The following ABCG2 variants were observed in gnomAD, a reference collection of about 807,000 sequenced individuals.
ABCG2 encodes broad substrate specificity ATP-binding cassette transporter ABCG2.
A neutral mutation model predicts 73.5 loss-of-function variants in ABCG2; 80 were observed. That is an observed-to-expected ratio of 1.09 (90% CI 0.91 to 1.31). The LOEUF (loss-of-function observed/expected upper bound fraction) is 1.31. ABCG2 is among the 50% of genes most tolerant of loss of function. The pLI is 0.00. For synonymous variants in ABCG2, 269 were observed against 282.4 expected (o/e 0.95, Z 0.48); for missense variants, 796 against 786.2 (o/e 1.01, Z -0.15).
At chr4:88,219,875 A>G (rs1205653634) in intron 1 of ABCG2, among the ~76,000 whole-genome samples, 3 of 151,672 alleles carry the variant, frequency 2.0e-5, no homozygotes, top group African/African-American at 7.3e-5. Context: ...AGGCTCAAAT[A>G]GTTTTTAAGT....
At chr4:88,191,449 C>G (rs974020981) in intron 1 of ABCG2, among the ~76,000 whole-genome samples, 9 of 151,972 alleles carry the variant, frequency 5.9e-5, no homozygotes, top group African/African-American at 2.2e-4. Context: ...AAAAGACCTA[C>G]AATAACAGGT....
In ABCG2 at chr4:88,107,216, C is replaced by A. The variant is rs747700196; in HGVS notation, c.1245G>T (p.Gly415=). Reference sequence around the variant, plus strand: ...GGATTCCAGTAGAATCATTTTTTAGCCCAAAGTAAATGGCACCTATAACCA... The same window carrying A: ...GGATTCCAGTAGAATCATTTTTTAGACCAAAGTAAATGGCACCTATAACCA... ...LGLVIGAIYF[G]LKNDSTGIQN... The change falls in exon 10 of 16, where the codon GGG becomes GGT. Residue 415 remains glycine (G), a synonymous_variant. Transcript: ENST00000237612. The A allele has an allele frequency of 6.2e-7, 1 of 1,612,954 alleles. No individual in the cohort carries two copies. Among genetic ancestry groups the A allele is most frequent in the Non-Finnish European group, 8.5e-7 (1 of 1,179,570 alleles).
chr4:88,160,307 G>GA (rs1319876669), upstream of ABCG2, among the ~76,000 whole-genome samples: 4 of 151,362 alleles, frequency 2.6e-5, no homozygotes, highest in African/African-American at 9.7e-5. Context: ...TGCAAAAACT[G>GA]AAAAATCTCC....
chr4:88,143,695 G>A (rs1315808867), intron 1 of ABCG2, among the ~76,000 whole-genome samples: 4 of 152,010 alleles, frequency 2.6e-5, no homozygotes, highest in Admixed American at 6.6e-5. Flanking sequence ...AATCTTCCTC[G>A]GGAGATACAG....
At chr4:88,214,619 G>A (rs971230115) in intron 1 of ABCG2, among the ~76,000 whole-genome samples, 10 of 152,070 alleles carry the variant, frequency 6.6e-5, no homozygotes, top group South Asian at 2.1e-4. Context: ...TGGCACTTCC[G>A]TAGGCTGAGG....
intron 1 of ABCG2, among the ~76,000 whole-genome samples, chr4:88,147,016 G>GAAAGAAA (rs777917031): frequency 1.6e-5 from 2 of 125,162 alleles, no homozygotes; most frequent in African/African-American, 3.2e-5. Flanking sequence ...AGAAAGAAAA[G>GAAAGAAA]GAAAGAAAGA....
chr4:88,146,458 G>C (rs1368022741), intron 1 of ABCG2, among the ~76,000 whole-genome samples: 4 of 151,900 alleles, frequency 2.6e-5, no homozygotes, highest in South Asian at 4.2e-4. Flanking sequence ...CAGTGGTGTG[G>C]ATCTTGGCTC....
Position 88,117,593 on chromosome 4 carries a change from C to T in ABCG2, c.841+516G>A, listed in dbSNP as rs1021238825. On this transcript the variant is annotated intron_variant, in intron 7 of 15. Coordinates refer to ENST00000237612, the MANE Select transcript of ABCG2 (RefSeq NM_004827.3). ...CAGAGCTTGCAGTGAGCCAAGATCA[C>T]GTCACTGCACTCCAGCCTGGGCAAT... Among the ~76,000 whole-genome samples, 3 of 151,422 alleles carry T rather than the reference C, an allele frequency of 2.0e-5. No homozygotes were observed. The East Asian group carries it at 5.9e-4, about 30-fold the overall frequency.
In ABCG2 at chr4:88,115,069, A is replaced by C. The variant is rs752016191; in HGVS notation, c.842-11T>G. 10 of 1,588,232 alleles carry C rather than the reference A, an allele frequency of 6.3e-6. No homozygotes were observed. In the Admixed American group the frequency reaches 8.4e-5, roughly 13 times the overall value. ...CCTCACAGTGATAACCTATGAAAGA[A>C]GGCAGCTCAAAAACACAAACTTGAT... On this transcript the variant is annotated splice_polypyrimidine_tract_variant and intron_variant, in intron 7 of 15. Coordinates refer to ENST00000237612, the MANE Select transcript of ABCG2 (RefSeq NM_004827.3).
chr4:88,097,767 T>C lies in ABCG2; in HGVS notation c.1493-160A>G, dbSNP rs45612238. On this transcript the variant is annotated intron_variant, in intron 12 of 15. Transcript: ENST00000237612. ...ACCACCCTCGGTCTCCAATGTTGTG[T>C]CTGTCCATGTAACTGCATAAAGTTC... 3.6e-3 allele frequency among the ~76,000 whole-genome samples: 555 copies of C among 152,380 alleles called. 1 individual carries two copies. Among genetic ancestry groups the C allele is most frequent in the Non-Finnish European group, 6.8e-3 (464 of 68,040 alleles).
chr4:88,121,486 G>T, intron 6 of ABCG2, 149 bp downstream of exon 6: 1 of 818,156 alleles, frequency 1.2e-6, no homozygotes, highest in Non-Finnish European at 1.9e-6. Flanking sequence ...TGTTTTTCTT[G>T]ATAATGCTTT....
At chr4:88,098,843 G>T (rs1283826905) in intron 12 of ABCG2, among the ~76,000 whole-genome samples, 1 of 152,132 alleles carries the variant, frequency 6.6e-6, no homozygotes, top group Non-Finnish European at 1.5e-5. Context: ...GGGCACATCC[G>T]CTCATTCCTA....
chr4:88,121,789 C>T lies in ABCG2; in HGVS notation c.535G>A (p.Gly179Arg), dbSNP rs1185675198. Residue 179 changes from glycine to arginine, a missense_variant, in exon 6 of 16, where the codon GGA becomes AGA. By Grantham distance (125) the Gly-to-Arg change is moderately radical. Transcript: ENST00000237612. ...GACACACCACGGATAAACTGAGTTC[C>T]AACCTAAATCACAAATATTATAATT... ...GLDKVADSKVGTQFIRGVSGG... is the reference protein window; with the variant it reads ...GLDKVADSKVRTQFIRGVSGG... 3 of 1,612,028 alleles carry T rather than the reference C, an allele frequency of 1.9e-6. No individual in the cohort carries two copies. The highest frequency in any genetic ancestry group is 2.5e-6 in the Non-Finnish European group (3 of 1,179,304).
chr4:88,135,457 C>A (rs1366285720), intron 2 of ABCG2, among the ~76,000 whole-genome samples: 1 of 152,142 alleles, frequency 6.6e-6, no homozygotes, highest in African/African-American at 2.4e-5. Context: ...AATGATTAAT[C>A]CCTTGGTCTT....
At chr4:88,188,388 T>G (rs905630433) in intron 1 of ABCG2, among the ~76,000 whole-genome samples, 1 of 149,618 alleles carries the variant, frequency 6.7e-6, no homozygotes, top group Non-Finnish European at 1.5e-5. Context: ...TTAACTTTGT[T>G]TTTTTTTTTA....
intron 11 of ABCG2, among the ~76,000 whole-genome samples, chr4:88,100,418 G>A (rs527609867): frequency 3.3e-5 from 5 of 151,462 alleles, no homozygotes; most frequent in East Asian, 2.0e-4. Flanking sequence ...GAGGAGAATC[G>A]CTTGAACCCG....
upstream of ABCG2, chr4:88,159,056 G>T: frequency 2.2e-6 from 1 of 444,886 alleles, no homozygotes; most frequent in Non-Finnish European, 4.5e-6. Context: ...CCGCCAGCAG[G>T]ACTGGTACCA....
chr4:88,129,913 T>C (rs905459191), intron 5 of ABCG2, among the ~76,000 whole-genome samples: 1 of 152,196 alleles, frequency 6.6e-6, no homozygotes, highest in African/African-American at 2.4e-5. Flanking sequence ...ACTTTGTCTC[T>C]CTTGCCCACA....
chr4:88,180,862 C>A (rs1202311191), intron 1 of ABCG2, among the ~76,000 whole-genome samples: 1 of 151,934 alleles, frequency 6.6e-6, no homozygotes, highest in African/African-American at 2.4e-5. Flanking sequence ...CACAGAAAAC[C>A]ACGGAATATT....
Sources: allele counts gnomAD v4.1 joint callset (sites outside exome capture counted in the v4.1 genomes callset), GRCh38; gene constraint gnomAD v4.1.1; transcripts MANE v1.5; gene names NCBI Gene and HGNC (gene_info 2026-07-23, HGNC 2026-07-21).